The following SCFD2 variants were observed in gnomAD, a reference collection of about 807,000 sequenced individuals.
The protein encoded by SCFD2 is sec1 family domain-containing protein 2.
Under a neutral mutation model 58.9 loss-of-function variants are expected in SCFD2, and 54 were observed. The observed-to-expected ratio is 0.92, with a 90% CI of 0.74 to 1.15. The LOEUF (loss-of-function observed/expected upper bound fraction) is 1.15, where lower values mean the gene tolerates loss of function less well. Among genes scored for constraint, SCFD2 ranks in the 50% most tolerant of loss-of-function variants. The pLI, the probability that SCFD2 is intolerant of heterozygous loss-of-function variation, is 0.00. For synonymous variants in SCFD2, 321 were observed against 335.9 expected, an observed-to-expected ratio of 0.96 and a Z score of 0.49; for missense variants, 805 against 836.6, an observed-to-expected ratio of 0.96 and a Z score of 0.47.
At chr4:53,261,045 G>T (rs1244055395) in intron 4 of SCFD2, among the ~76,000 whole-genome samples, 1 of 152,008 alleles carries the variant, frequency 6.6e-6, no homozygotes, top group African/African-American at 2.4e-5. Flanking sequence ...ATGATCGTTT[G>T]TATTTCTGTG....
At chr4:53,182,067 G>A (rs921248593) in intron 4 of SCFD2, among the ~76,000 whole-genome samples, 5 of 152,122 alleles carry the variant, frequency 3.3e-5, no homozygotes, top group Admixed American at 6.5e-5. Flanking sequence ...CGTGAAAATG[G>A]CCATATTGCC....
intron 5 of SCFD2, among the ~76,000 whole-genome samples, chr4:53,130,437 C>T (rs1577756426): frequency 6.6e-6 from 1 of 152,182 alleles, no homozygotes; most frequent in East Asian, 1.9e-4. Flanking sequence ...AATGAATGCT[C>T]TTATGGTAGA....
At chr4:53,065,636 G>A (rs913174630) in intron 5 of SCFD2, among the ~76,000 whole-genome samples, 2 of 151,928 alleles carry the variant, frequency 1.3e-5, no homozygotes, top group African/African-American at 4.8e-5. Flanking sequence ...TTATTCAAGA[G>A]CATTACTATT....
At chr4:53,030,453 C>T (rs1722589067) in intron 5 of SCFD2, among the ~76,000 whole-genome samples, 1 of 151,574 alleles carries the variant, frequency 6.6e-6, no homozygotes, top group African/African-American at 2.4e-5. Context: ...GACAGAGTCT[C>T]ATTCTGTCAC....
intron 3 of SCFD2, among the ~76,000 whole-genome samples, chr4:53,284,083 T>C (rs1283902369): frequency 4.0e-4 from 58 of 144,628 alleles, no homozygotes; most frequent in Non-Finnish European, 6.9e-4. Context: ...CGTGCCACTG[T>C]ACTCCAGCCT....
intron 5 of SCFD2, among the ~76,000 whole-genome samples, chr4:53,075,710 C>A (rs1723952212): frequency 6.6e-6 from 1 of 152,130 alleles, no homozygotes; most frequent in Admixed American, 6.6e-5. Flanking sequence ...TCAGAACACA[C>A]ACATTTATTG....
At chr4:53,343,214 A>G (rs1331214654) in intron 2 of SCFD2, among the ~76,000 whole-genome samples, 4 of 152,188 alleles carry the variant, frequency 2.6e-5, no homozygotes, top group Non-Finnish European at 5.9e-5. Flanking sequence ...GACCGCTAAC[A>G]AGACTAATAA....
intron 5 of SCFD2, among the ~76,000 whole-genome samples, chr4:52,984,125 C>A (rs1203804356): frequency 6.6e-6 from 1 of 152,230 alleles, no homozygotes; most frequent in Non-Finnish European, 1.5e-5. Context: ...CAAGCCTACT[C>A]ATTGCCCCTG....
chr4:53,049,882 C>T (rs1171052981), intron 5 of SCFD2, among the ~76,000 whole-genome samples: 1 of 152,050 alleles, frequency 6.6e-6, no homozygotes, highest in Non-Finnish European at 1.5e-5. Context: ...TATTTGAGGT[C>T]ATTTTAATTT....
chr4:53,196,777 CAA>C (rs200275749), intron 4 of SCFD2, among the ~76,000 whole-genome samples: 1 of 141,940 alleles, frequency 7.0e-6, no homozygotes, highest in East Asian at 2.0e-4. Context: ...AACTTTTCAT[CAA>C]AAAAAAAAAA....
At chr4:53,307,176 T>C (rs1732541930) in intron 3 of SCFD2, among the ~76,000 whole-genome samples, 1 of 152,188 alleles carries the variant, frequency 6.6e-6, no homozygotes, top group Non-Finnish European at 1.5e-5. Flanking sequence ...TGAAAGTATT[T>C]CAGACAGACA....
At chr4:53,173,973 A>C (rs1413776494) in intron 4 of SCFD2, among the ~76,000 whole-genome samples, 1 of 152,206 alleles carries the variant, frequency 6.6e-6, no homozygotes, top group Non-Finnish European at 1.5e-5. Context: ...AAAGAAATAA[A>C]AGATGAAAGC....
Position 53,093,715 on chromosome 4 carries a change from C to A in SCFD2, c.1561+51618G>T, listed in dbSNP as rs184045253. ...ATATATATTAAATGAAAAACCAAGG[C>A]AGATTTCAATGCTATGATTTGTATT... On this transcript the variant is annotated intron_variant, in intron 5 of 8. Coordinates refer to ENST00000401642, the MANE Select transcript of SCFD2 (RefSeq NM_152540.4). Among the ~76,000 whole-genome samples, 228 of 151,140 alleles carry A rather than the reference C, an allele frequency of 1.5e-3. 1 individual carries two copies. Among genetic ancestry groups the A allele is most frequent in the African/African-American group, 5.4e-3 (222 of 41,020 alleles).
At chr4:53,016,952 C>CA (rs1294153281) in intron 5 of SCFD2, among the ~76,000 whole-genome samples, 2 of 152,074 alleles carry the variant, frequency 1.3e-5, no homozygotes, top group Non-Finnish European at 2.9e-5. Context: ...ACTAAAAATA[C>CA]AAAAAATTAG....
At chr4:52,923,405 G>A (rs544049685) in intron 5 of SCFD2, among the ~76,000 whole-genome samples, 1 of 151,990 alleles carries the variant, frequency 6.6e-6, no homozygotes, top group Admixed American at 6.6e-5. Context: ...TTGAGCCCGG[G>A]AGTTGGAGGT....
At chr4:52,888,056 G>T (rs545620505) in intron 7 of SCFD2, among the ~76,000 whole-genome samples, 3 of 151,324 alleles carry the variant, frequency 2.0e-5, no homozygotes, top group African/African-American at 7.3e-5. Context: ...GACTACAGGC[G>T]CCCGCCACCG....
At chr4:52,968,461 C>T (rs779922214) in intron 5 of SCFD2, among the ~76,000 whole-genome samples, 1 of 152,150 alleles carries the variant, frequency 6.6e-6, no homozygotes, top group Non-Finnish European at 1.5e-5. Flanking sequence ...CAATCTGTGG[C>T]CGTGGGGCAA....
At chr4:52,927,718 A>C (rs1719895489) in intron 5 of SCFD2, among the ~76,000 whole-genome samples, 1 of 152,206 alleles carries the variant, frequency 6.6e-6, no homozygotes. Context: ...CACACAACTC[A>C]GCTGGGAAGA....
chr4:52,965,239 C>T (rs1409981425), intron 5 of SCFD2, among the ~76,000 whole-genome samples: 1 of 152,018 alleles, frequency 6.6e-6, no homozygotes, highest in African/African-American at 2.4e-5. Flanking sequence ...CTATAAAAGC[C>T]CCCCCGCAAA....
Sources: gnomAD v4.1 joint callset for allele counts (sites outside exome capture counted in the v4.1 genomes callset) on GRCh38, gnomAD v4.1.1 for gene constraint, MANE v1.5 for transcripts, NCBI Gene and HGNC (gene_info 2026-07-23, HGNC 2026-07-21) for gene names.